FBXL7: variants seen among roughly 807,000 people sequenced by gnomAD.
The protein encoded by FBXL7 is F-box/LRR-repeat protein 7.
A neutral mutation model predicts 38.3 loss-of-function variants in FBXL7; 12 were observed. The observed-to-expected ratio is 0.31, with a 90% CI of 0.20 to 0.51. The LOEUF (loss-of-function observed/expected upper bound fraction) is 0.51. Ranked by LOEUF, FBXL7 falls within the 20% of genes least tolerant of loss-of-function variation. The probability of loss-of-function intolerance (pLI) is 0.98; values close to 1 mark genes in which losing one functional copy is unlikely to be tolerated. For missense variants in FBXL7, 567 were observed against 676.4 expected (o/e 0.84, Z 1.79); for synonymous variants, 297 against 300.9 (o/e 0.99, Z 0.13).
intron 2 of FBXL7, among the ~76,000 whole-genome samples, chr5:15,841,165 T>A (rs1738736765): frequency 6.6e-6 from 1 of 152,168 alleles, no homozygotes; most frequent in South Asian, 2.1e-4. Context: ...AACTTCTTTT[T>A]TTCTTGTTTT....
intron 2 of FBXL7, among the ~76,000 whole-genome samples, chr5:15,754,904 G>A (rs779081278): frequency 3.3e-5 from 5 of 152,060 alleles, no homozygotes; most frequent in Non-Finnish European, 5.9e-5. Flanking sequence ...GACAACACTT[G>A]CTCACTACAA....
At chr5:15,788,918 T>C (rs1209726730) in intron 2 of FBXL7, among the ~76,000 whole-genome samples, 1 of 150,392 alleles carries the variant, frequency 6.6e-6, no homozygotes, top group Admixed American at 6.6e-5. Context: ...TGGTGTGATC[T>C]CGGCTCACTG....
At position 15,928,373 on chromosome 5, in the gene FBXL7, T is replaced by G; in HGVS notation, c.611T>G (p.Leu204Arg). ...SGCRRLTDRG[L>R]YTIAQCCPEL... ...TGCAGGCGGCTCACAGACCGAGGGC[T>G]GTACACCATCGCCCAGTGCTGCCCC... The change falls in exon 3 of 4, where the codon CTG (leucine) becomes CGG (arginine). Residue 204 changes from leucine to arginine, a missense_variant. Transcript: ENST00000504595. The surrounding 1 kb of genome is among the most constrained non-coding windows in gnomAD (Gnocchi z 4.0). The G allele has an allele frequency of 6.2e-7, 1 of 1,614,044 alleles. No homozygotes were observed. The highest frequency in any genetic ancestry group is 8.5e-7 in the Non-Finnish European group (1 of 1,179,894).
At chr5:15,641,294 T>C (rs1741362390) in intron 2 of FBXL7, among the ~76,000 whole-genome samples, 1 of 152,144 alleles carries the variant, frequency 6.6e-6, no homozygotes, top group African/African-American at 2.4e-5. Context: ...TACATTTGTG[T>C]AGAGAACCCA....
intron 3 of FBXL7, among the ~76,000 whole-genome samples, chr5:15,929,296 G>T (rs751243223): frequency 3.9e-5 from 6 of 152,222 alleles, no homozygotes; most frequent in Non-Finnish European, 7.3e-5. Flanking sequence ...CAAGGGCAAG[G>T]TCCATTGAAT....
rs529642791 is a variant in FBXL7, at chr5:15,883,943, C to T, written c.128-43947C>T. Among the ~76,000 whole-genome samples, 41 of 152,274 alleles carry T rather than the reference C, an allele frequency of 2.7e-4. 1 individual carries two copies. In the South Asian group the frequency reaches 4.4e-3, roughly 16 times the overall value. The stretch of plus-strand genomic sequence containing the variant: ...CTTTCCTCCAAATAACTGCATTTGT[C>T]TTCTCCATTATTTTGTTGCTGAAGT... On this transcript the variant is annotated intron_variant, in intron 2 of 3. Coordinates refer to ENST00000504595, the MANE Select transcript of FBXL7 (RefSeq NM_012304.5).
intron 1 of FBXL7, among the ~76,000 whole-genome samples, chr5:15,574,736 G>A (rs547672722): frequency 6.6e-6 from 1 of 152,254 alleles, no homozygotes; most frequent in Non-Finnish European, 1.5e-5. Context: ...TTACCCTTGG[G>A]CTTTGGGCTG....
At chr5:15,738,088 C>G (rs1361293523) in intron 2 of FBXL7, among the ~76,000 whole-genome samples, 1 of 152,116 alleles carries the variant, frequency 6.6e-6, no homozygotes, top group Non-Finnish European at 1.5e-5. Context: ...GTTTGGGAGG[C>G]ACCGTAGAAC....
At chr5:15,623,531 A>G (rs142900447) in intron 2 of FBXL7, among the ~76,000 whole-genome samples, 2 of 152,360 alleles carry the variant, frequency 1.3e-5, no homozygotes, top group African/African-American at 4.8e-5. Flanking sequence ...TGCCCAAATT[A>G]GATCAGTTCT....
chr5:15,858,459 A>G (rs564115640), intron 2 of FBXL7, among the ~76,000 whole-genome samples: 1 of 152,248 alleles, frequency 6.6e-6, no homozygotes, highest in African/African-American at 2.4e-5. Context: ...TTTGAAGCTT[A>G]AGTCCTTCTG....
intron 2 of FBXL7, among the ~76,000 whole-genome samples, chr5:15,841,478 C>T (rs1738744940): frequency 6.6e-6 from 1 of 152,014 alleles, no homozygotes; most frequent in African/African-American, 2.4e-5. Flanking sequence ...GAAAGATGTT[C>T]ATTTTTTTTT....
chr5:15,726,424 G>A (rs531040082), intron 2 of FBXL7, among the ~76,000 whole-genome samples: 127 of 151,968 alleles, frequency 8.4e-4, no homozygotes, highest in Non-Finnish European at 1.6e-3. Flanking sequence ...GTGAGACATC[G>A]CCCCTTAAAA....
chr5:15,831,951 A>G (rs1738468304), intron 2 of FBXL7, among the ~76,000 whole-genome samples: 1 of 151,986 alleles, frequency 6.6e-6, no homozygotes, highest in Non-Finnish European at 1.5e-5. Flanking sequence ...CAAGGATGGG[A>G]AGTCCTTCCC....
chr5:15,658,661 G>A (rs1741957256), intron 2 of FBXL7, among the ~76,000 whole-genome samples: 1 of 152,194 alleles, frequency 6.6e-6, no homozygotes, highest in African/African-American at 2.4e-5. Flanking sequence ...CTCTAAGGGG[G>A]TCCACTTGAG....
chr5:15,674,237 A>G (rs1561079945), intron 2 of FBXL7, among the ~76,000 whole-genome samples: 1 of 152,238 alleles, frequency 6.6e-6, no homozygotes, highest in South Asian at 2.1e-4. Flanking sequence ...TATGATGTTA[A>G]TGTTATCACA....
chr5:15,564,468 C>T (rs1053848748), intron 1 of FBXL7, among the ~76,000 whole-genome samples: 5 of 150,594 alleles, frequency 3.3e-5, no homozygotes, highest in Admixed American at 1.3e-4. Flanking sequence ...TCAAACAAGA[C>T]AGTAAAACTA....
intron 2 of FBXL7, among the ~76,000 whole-genome samples, chr5:15,783,494 C>T (rs116399204): frequency 4.3e-4 from 65 of 152,200 alleles, no homozygotes; most frequent in African/African-American, 1.5e-3. Flanking sequence ...AACATGACAG[C>T]AATGAGGAGG....
intron 2 of FBXL7, among the ~76,000 whole-genome samples, chr5:15,818,537 A>C (rs1352203646): frequency 6.6e-6 from 1 of 152,206 alleles, no homozygotes; most frequent in Non-Finnish European, 1.5e-5. Flanking sequence ...TATAGAAAAA[A>C]TAATCAAGTA....
At chr5:15,820,721 A>G (rs1738146884) in intron 2 of FBXL7, among the ~76,000 whole-genome samples, 2 of 152,140 alleles carry the variant, frequency 1.3e-5, no homozygotes, top group Admixed American at 6.6e-5. Flanking sequence ...TGGTTAGGAA[A>G]GGGAATGCCT....
Sources: gnomAD v4.1 joint callset for allele counts (sites outside exome capture counted in the v4.1 genomes callset) on GRCh38, gnomAD v4.1.1 for gene constraint, Gnocchi (gnomAD v3.1) non-coding constraint, MANE v1.5 for transcripts, NCBI Gene and HGNC (gene_info 2026-07-23, HGNC 2026-07-21) for gene names.